The following GFPT1 variants were observed in gnomAD, a reference collection of about 807,000 sequenced individuals.
GFPT1 encodes the protein glutamine--fructose-6-phosphate transaminase 1, also known as glutamine--fructose-6-phosphate aminotransferase [isomerizing] 1.
Under a neutral mutation model 92.0 loss-of-function variants are expected in GFPT1, and 40 were observed. That is an observed-to-expected ratio of 0.43 (90% confidence interval 0.34 to 0.57). GFPT1 has a LOEUF of 0.57. Among genes scored for constraint, GFPT1 ranks in the 20% least tolerant of loss-of-function variants. GFPT1 has a pLI of 0.02. For synonymous variants in GFPT1, 269 were observed against 280.6 expected (o/e 0.96, Z 0.41); for missense variants, 448 against 869.1 (o/e 0.52, Z 6.09).
intron 1 of GFPT1, among the ~76,000 whole-genome samples, chr2:69,374,389 C>T (rs1272975910): frequency 6.6e-6 from 1 of 151,596 alleles, no homozygotes; most frequent in Non-Finnish European, 1.5e-5. Flanking sequence ...TCTCGGCTCA[C>T]GGCAAGCTCC....
intron 1 of GFPT1, among the ~76,000 whole-genome samples, chr2:69,379,395 T>C (rs972981331): frequency 4.5e-4 from 69 of 152,308 alleles, no homozygotes; most frequent in African/African-American, 1.4e-3. Context: ...GGTGCATGCC[T>C]GTAGTCCCAG....
chr2:69,359,357 A>C, intron 4 of GFPT1, 31 bp from the exon 5 acceptor site: 1 of 1,278,796 alleles, frequency 7.8e-7, no homozygotes, highest in East Asian at 2.3e-5. Context: ...GAAGACAAAA[A>C]AGTTAGAAGT....
At chr2:69,379,277 C>T (rs1348494994) in intron 1 of GFPT1, among the ~76,000 whole-genome samples, 1 of 152,080 alleles carries the variant, frequency 6.6e-6, no homozygotes, top group Non-Finnish European at 1.5e-5. Context: ...CCTGTAATCC[C>T]AGCACTTTCG....
At chr2:69,334,032 T>A (rs1382455308) in intron 15 of GFPT1, among the ~76,000 whole-genome samples, 2 of 152,184 alleles carry the variant, frequency 1.3e-5, no homozygotes, top group Non-Finnish European at 2.9e-5. Context: ...GGCAGTTACC[T>A]GTAATCCCAG....
At position 69,338,425 on chromosome 2, in the gene GFPT1, A is replaced by C; in HGVS notation, c.1324+20T>G. The C allele has an allele frequency of 1.3e-6, 2 of 1,596,484 alleles. No individual in the cohort carries two copies. The highest frequency in any genetic ancestry group is 2.2e-5 in the South Asian group (2 of 90,514). ...GAAAGAATAACTTTCCTTCCTTTTA[A>C]GTCTTTAAAATTAACACACCTGATT... On this transcript the variant is annotated intron_variant, in intron 14 of 19. Coordinates refer to ENST00000357308, the MANE Select transcript of GFPT1 (RefSeq NM_001244710.2).
At chr2:69,369,951 GA>G (rs769645833) in intron 3 of GFPT1, 49 bp downstream of exon 3, 7 of 1,042,236 alleles carry the variant, frequency 6.7e-6, no homozygotes, top group African/African-American at 3.1e-5. Flanking sequence ...ATGGGGAGGG[GA>G]AAAGGAAGAG....
At chr2:69,383,106 T>G (rs1333358698) in intron 1 of GFPT1, among the ~76,000 whole-genome samples, 1 of 152,122 alleles carries the variant, frequency 6.6e-6, no homozygotes, top group Non-Finnish European at 1.5e-5. Context: ...GTCAAAAAAT[T>G]CTCAAACCAC....
intron 18 of GFPT1, 91 bp downstream of exon 18, chr2:69,328,180 C>T (rs779138324): frequency 6.6e-6 from 6 of 909,678 alleles, no homozygotes; most frequent in Admixed American, 1.7e-5. Flanking sequence ...AATGAGTTAA[C>T]ACGTGTAAAC....
chr2:69,347,836 C>T (rs1671120706), intron 11 of GFPT1, among the ~76,000 whole-genome samples: 1 of 152,028 alleles, frequency 6.6e-6, no homozygotes, highest in Non-Finnish European at 1.5e-5. Flanking sequence ...GCTATATTAT[C>T]CTCATGTTAT....
At chr2:69,382,757 C>A (rs1392192073) in intron 1 of GFPT1, among the ~76,000 whole-genome samples, 1 of 152,172 alleles carries the variant, frequency 6.6e-6, no homozygotes, top group Non-Finnish European at 1.5e-5. Flanking sequence ...TTACCTCTCA[C>A]AGTATACTAA....
At chr2:69,386,968 A>C in intron 1 of GFPT1, 97 bp downstream of exon 1, 1 of 990,048 alleles carries the variant, frequency 1.0e-6, no homozygotes, top group Non-Finnish European at 1.5e-6. Context: ...CGCACCCTCC[A>C]CACTCCCGCT....
At chr2:69,340,735 A>G (rs1670929530) in intron 13 of GFPT1, among the ~76,000 whole-genome samples, 1 of 152,212 alleles carries the variant, frequency 6.6e-6, no homozygotes, top group African/African-American at 2.4e-5. Flanking sequence ...GATAAACCAC[A>G]GGGGGATTTC....
chr2:69,370,196 TAC>T lies in GFPT1; in HGVS notation c.116-90_116-89del, dbSNP rs1671711056. 67 of 791,242 alleles carry T rather than the reference TAC, an allele frequency of 8.5e-5. 1 individual carries two copies. In the South Asian group the frequency reaches 9.0e-4, roughly 11 times the overall value. The allele number at this position is 791,242 out of a possible 1,614,324, so 49.0% of individuals were successfully genotyped here. A position where few individuals can be genotyped will look rare whatever the true frequency, so the allele number is the denominator to read the frequency against. On this transcript the variant is annotated intron_variant, in intron 2 of 19. Transcript: ENST00000357308. ...TGAGGCAAAATTTTTAATTAAAAAA[TAC>T]ATTCTCATCTAATTAATTCACTAAT... is the stretch of plus-strand genomic sequence containing the variant.
intron 3 of GFPT1, among the ~76,000 whole-genome samples, chr2:69,368,112 G>A (rs1671654080): frequency 6.6e-6 from 1 of 152,172 alleles, no homozygotes; most frequent in South Asian, 2.1e-4. Flanking sequence ...AGCAAGGTGT[G>A]GTGGCTCACG....
chr2:69,358,528 C>T (rs534039757), intron 5 of GFPT1, 65 bp from the exon 6 acceptor site: 5 of 1,129,798 alleles, frequency 4.4e-6, no homozygotes, highest in South Asian at 1.3e-5. Context: ...ACCTTTTCTA[C>T]AGAATTGTTC....
At chr2:69,353,001 A>G (rs1042130041) in intron 9 of GFPT1, among the ~76,000 whole-genome samples, 1 of 152,166 alleles carries the variant, frequency 6.6e-6, no homozygotes, top group Non-Finnish European at 1.5e-5. Flanking sequence ...AGCCAAGATC[A>G]TGTCACTGCA....
intron 16 of GFPT1, 103 bp downstream of exon 16, chr2:69,329,581 T>C: frequency 1.0e-6 from 1 of 976,410 alleles, no homozygotes; most frequent in South Asian, 1.3e-5. Flanking sequence ...AGAAAGATCT[T>C]ATTGACTAAA....
intron 15 of GFPT1, among the ~76,000 whole-genome samples, chr2:69,334,327 A>G (rs529881025): frequency 1.3e-5 from 2 of 152,278 alleles, no homozygotes; most frequent in South Asian, 2.1e-4. Context: ...AGAATCCAAG[A>G]AAAATGAAAT....
chr2:69,345,659 C>T (rs1047535546), intron 12 of GFPT1, among the ~76,000 whole-genome samples: 1 of 152,194 alleles, frequency 6.6e-6, no homozygotes, highest in African/African-American at 2.4e-5. Flanking sequence ...CTCCCCATTT[C>T]CCCTCCCCAC....
Sources: gnomAD v4.1 joint callset for allele counts (sites outside exome capture counted in the v4.1 genomes callset) on GRCh38, gnomAD v4.1.1 for gene constraint, MANE v1.5 for transcripts, NCBI Gene and HGNC (gene_info 2026-07-23, HGNC 2026-07-21) for gene names.